FANCC: variants seen among roughly 807,000 people sequenced by gnomAD.
FANCC encodes FA complementation group C, also known as Fanconi anemia group C protein.
FANCC carries 55 observed loss-of-function variants against 71.3 expected under a neutral mutation model. That is an observed-to-expected ratio of 0.77 (90% CI 0.62 to 0.97). The LOEUF is 0.97. Ranked by LOEUF, FANCC falls within the 50% of genes least tolerant of loss-of-function variation. The pLI, the probability that FANCC is intolerant of heterozygous loss-of-function variation, is 0.00. For missense variants in FANCC, 678 were observed against 670.9 expected, an observed-to-expected ratio of 1.01 and a Z score of -0.12; for synonymous variants, 275 against 244.9, an observed-to-expected ratio of 1.12 and a Z score of -1.15.
At chr9:95,316,246 C>G (rs1835732499) in intron 1 of FANCC, among the ~76,000 whole-genome samples, 1 of 152,226 alleles carries the variant, frequency 6.6e-6, no homozygotes, top group African/African-American at 2.4e-5. Context: ...TGCAGCCTTT[C>G]TTGTATATGA....
At chr9:95,280,645 C>T (rs1219356232) in intron 1 of FANCC, among the ~76,000 whole-genome samples, 4 of 152,102 alleles carry the variant, frequency 2.6e-5, no homozygotes, top group Non-Finnish European at 5.9e-5. Flanking sequence ...GGAAACTGAA[C>T]AAGGCACTAC....
At chr9:95,156,603 CT>C (rs1352847696) in intron 6 of FANCC, among the ~76,000 whole-genome samples, 2 of 151,990 alleles carry the variant, frequency 1.3e-5, no homozygotes, top group African/African-American at 4.8e-5. Flanking sequence ...TTTTTGAGCC[CT>C]TTTAGAAGCT....
chr9:95,317,357 G>T (rs1196906593), intron 1 of FANCC, 169 bp downstream of exon 1: 1 of 147,844 alleles, frequency 6.8e-6, no homozygotes, highest in Admixed American at 6.7e-5. Context: ...CCACAGCCCT[G>T]CGCCGGCGGG....
At chr9:95,316,535 T>C (rs1389244569) in intron 1 of FANCC, among the ~76,000 whole-genome samples, 19 of 152,196 alleles carry the variant, frequency 1.2e-4, no homozygotes, top group South Asian at 2.1e-4. Flanking sequence ...ATTTGATAAA[T>C]GCTAAGTCAA....
intron 1 of FANCC, among the ~76,000 whole-genome samples, chr9:95,274,222 T>C (rs1276948920): frequency 6.6e-6 from 1 of 152,158 alleles, no homozygotes; most frequent in Non-Finnish European, 1.5e-5. Flanking sequence ...CCCCTCCCTG[T>C]GTCCATGTGT....
chr9:95,147,308 G>C (rs1396162758), intron 7 of FANCC, among the ~76,000 whole-genome samples: 1 of 152,044 alleles, frequency 6.6e-6, no homozygotes, highest in Non-Finnish European at 1.5e-5. Context: ...ACCTGAGGTC[G>C]GGATTTCGAG....
chr9:95,304,354 G>A (rs1050086261), intron 1 of FANCC, among the ~76,000 whole-genome samples: 15 of 152,078 alleles, frequency 9.9e-5, no homozygotes, highest in Middle Eastern at 3.4e-3. Flanking sequence ...GAAAGGGAGG[G>A]GTTCTTTGTA....
At chr9:95,143,703 T>C (rs1414743940) in intron 7 of FANCC, among the ~76,000 whole-genome samples, 4 of 152,186 alleles carry the variant, frequency 2.6e-5, no homozygotes, top group Non-Finnish European at 4.4e-5. Flanking sequence ...TCAGTATTTT[T>C]GAAGCAGTGG....
intron 4 of FANCC, among the ~76,000 whole-genome samples, chr9:95,211,821 A>T (rs927426636): frequency 1.3e-5 from 2 of 151,870 alleles, no homozygotes; most frequent in Admixed American, 6.6e-5. Context: ...TATTATAGGT[A>T]TTTAAAGAAA....
In FANCC at chr9:95,163,841, C is replaced by T. The variant is rs1026101894; in HGVS notation, c.521+7238G>A. On this transcript the variant is annotated intron_variant, in intron 6 of 14. Coordinates refer to ENST00000289081, the MANE Select transcript of FANCC (RefSeq NM_000136.3). ...GCCAGCCTGGGCAACAAGAGCGAAA[C>T]TCCATCTCAAAACAAAAATAAACAA... Among the ~76,000 whole-genome samples the T allele has an allele frequency of 2.6e-5, 4 of 152,294 alleles. No individual in the cohort carries two copies. The East Asian group carries it at 7.7e-4, about 29-fold the overall frequency.
chr9:95,157,525 C>CA lies in FANCC; in HGVS notation c.522-7439dup, dbSNP rs1161017679. Reference sequence around the variant, plus strand: ...GGCAGATGGTTTGGAAGCTACAATACAACCACACAGAAAGGATGTTCCCAG... The same window carrying CA: ...GGCAGATGGTTTGGAAGCTACAATACAAACCACACAGAAAGGATGTTCCCAG... On this transcript the variant is annotated intron_variant, in intron 6 of 14. Coordinates refer to ENST00000289081, the MANE Select transcript of FANCC (RefSeq NM_000136.3). Among the ~76,000 whole-genome samples the CA allele has an allele frequency of 3.3e-5, 5 of 152,342 alleles. No individual in the cohort carries two copies. In the East Asian group the frequency reaches 9.6e-4, roughly 29 times the overall value.
intron 7 of FANCC, 59 bp from the exon 8 acceptor site, chr9:95,135,561 T>TA (rs952341954): frequency 6.7e-7 from 1 of 1,503,238 alleles, no homozygotes; most frequent in Non-Finnish European, 9.2e-7. Context: ...AAAAGAAGAT[T>TA]AAAAAAAGTT....
At chr9:95,256,662 G>C (rs1042497576) in intron 1 of FANCC, among the ~76,000 whole-genome samples, 4 of 152,150 alleles carry the variant, frequency 2.6e-5, no homozygotes, top group Non-Finnish European at 1.5e-5. Flanking sequence ...GCATCACAAT[G>C]ATAGGATCAA....
chr9:95,271,927 C>CT (rs869093626), intron 1 of FANCC, among the ~76,000 whole-genome samples: 557 of 50,472 alleles, frequency 0.011, 139 homozygotes, highest in African/African-American at 0.031. Context: ...CAAGCCTCTT[C>CT]TTTTTTTTTT....
intron 1 of FANCC, chr9:95,292,621 C>G: frequency 7.0e-7 from 1 of 1,433,872 alleles, no homozygotes; most frequent in Non-Finnish European, 9.8e-7. Flanking sequence ...AAGATCCTGC[C>G]CAACAGCCCC....
intron 6 of FANCC, among the ~76,000 whole-genome samples, chr9:95,161,885 A>C (rs1281980378): frequency 7.1e-6 from 1 of 141,684 alleles, no homozygotes; most frequent in African/African-American, 2.7e-5. Flanking sequence ...TCTGTCACCC[A>C]GGCTGGAGTG....
chr9:95,293,461 C>G, intron 1 of FANCC: 11 of 1,570,438 alleles, frequency 7.0e-6, no homozygotes, highest in East Asian at 2.2e-5. Flanking sequence ...ATTGCTGATC[C>G]TGTTGCTGTT....
At chr9:95,166,015 T>C (rs116850492) in intron 6 of FANCC, among the ~76,000 whole-genome samples, 11 of 152,198 alleles carry the variant, frequency 7.2e-5, no homozygotes, top group East Asian at 1.9e-4. Flanking sequence ...CTTATTATTA[T>C]ATAATCTTTT....
intron 1 of FANCC, among the ~76,000 whole-genome samples, chr9:95,313,299 G>C (rs1835523853): frequency 6.6e-6 from 1 of 152,190 alleles, no homozygotes; most frequent in African/African-American, 2.4e-5. Context: ...CTCCGCCCTG[G>C]AGAAGCGTCA....
Sources: gnomAD v4.1 joint callset for allele counts (sites outside exome capture counted in the v4.1 genomes callset) on GRCh38, gnomAD v4.1.1 for gene constraint, MANE v1.5 for transcripts, NCBI Gene and HGNC (gene_info 2026-07-23, HGNC 2026-07-21) for gene names.